CORO7: variants seen among roughly 807,000 people sequenced by gnomAD.
CORO7 encodes the protein coronin 7.
In CORO7, 107 loss-of-function variants were observed where a neutral mutation model predicts 126.6. The ratio of observed to expected loss-of-function variants is 0.85; its 90% CI spans 0.72 to 0.99. The LOEUF (loss-of-function observed/expected upper bound fraction) is 0.99. Ranked by LOEUF, CORO7 falls within the 50% of genes least tolerant of loss-of-function variation. CORO7 has a pLI of 0.00. For synonymous variants in CORO7, 603 were observed against 536.8 expected, an observed-to-expected ratio of 1.12 and a Z score of -1.70; for missense variants, 1,314 against 1,255.8, an observed-to-expected ratio of 1.05 and a Z score of -0.70.
intron 9 of CORO7, among the ~76,000 whole-genome samples, chr16:4,376,762 G>A (rs951445785): frequency 1.3e-5 from 2 of 152,092 alleles, no homozygotes; most frequent in East Asian, 1.9e-4. Flanking sequence ...TGAAGGGGCC[G>A]CCAAGGGACA....
At chr16:4,358,239 C>A in intron 24 of CORO7, 128 bp downstream of exon 24, 1 of 1,530,572 alleles carries the variant, frequency 6.5e-7, no homozygotes, top group Non-Finnish European at 8.8e-7. Flanking sequence ...AGCATCTCAG[C>A]AGAAGGGGGT....
At chr16:4,411,553 T>A (rs868272632) in intron 3 of CORO7, among the ~76,000 whole-genome samples, 4 of 152,252 alleles carry the variant, frequency 2.6e-5, no homozygotes, top group South Asian at 2.1e-4. Flanking sequence ...TTTTTAAAAA[T>A]TTTTTAAAAA....
chr16:4,405,476 C>A lies in CORO7; in HGVS notation c.564+15G>T. The A allele has an allele frequency of 6.2e-7, 1 of 1,610,468 alleles. No individual in the cohort carries two copies. Among genetic ancestry groups the A allele is most frequent in the Non-Finnish European group, 8.5e-7 (1 of 1,179,108 alleles). ...TGCACAGAGCCCCACAGGGCATCCC[C>A]ACCTGCCTGCTCACCTTGCACGCCG... On this transcript the variant is annotated intron_variant, in intron 6 of 27. Coordinates refer to ENST00000251166, the MANE Select transcript of CORO7 (RefSeq NM_024535.5).
intron 5 of CORO7, among the ~76,000 whole-genome samples, chr16:4,406,588 C>T (rs1251818957): frequency 1.3e-5 from 2 of 152,170 alleles, no homozygotes; most frequent in East Asian, 3.8e-4. Context: ...GTGTGCGCCA[C>T]GACGCCCATC....
chr16:4,374,583 C>T (rs1015476171), intron 9 of CORO7, among the ~76,000 whole-genome samples: 1 of 152,168 alleles, frequency 6.6e-6, no homozygotes, highest in Non-Finnish European at 1.5e-5. Flanking sequence ...GGGGCCCCTG[C>T]TGGCCCTGGG....
Position 4,362,651 on chromosome 16 carries a change from C to T in CORO7, c.1363G>A (p.Gly455Arg), listed in dbSNP as rs767466448. 1.6e-5 allele frequency: 25 copies of T among 1,553,344 alleles called. No individual in the cohort carries two copies. Among genetic ancestry groups the T allele is most frequent in the Admixed American group, 2.0e-5 (1 of 50,626 alleles). The change falls in exon 15 of 28, where the codon GGG (glycine) becomes AGG (arginine). Residue 455 changes from glycine (G) to arginine (R), a missense_variant. Gly to Arg is a moderately radical substitution (Grantham distance 125). Transcript: ENST00000251166. The surrounding 1 kb of genome is among the most constrained non-coding windows in gnomAD (Gnocchi z 5.3). ...GPSLSSTSGI[G>R]TSPSLRSLQS... is the part of the protein sequence containing the mutation. ...AGCGACCTCAAACTGGGGCTGGTCCCGATGCCACTGGTGCTGGAGAGTGAG... is the reference window on the plus strand; with the variant it reads ...AGCGACCTCAAACTGGGGCTGGTCCTGATGCCACTGGTGCTGGAGAGTGAG...
chr16:4,400,597 C>T lies in CORO7; in HGVS notation c.564+4894G>A, dbSNP rs573479497. Among the ~76,000 whole-genome samples the T allele has an allele frequency of 3.9e-5, 6 of 152,028 alleles. 1 individual carries two copies. Among genetic ancestry groups the T allele is most frequent in the South Asian group, 4.1e-4 (2 of 4,828 alleles). On this transcript the variant is annotated intron_variant, in intron 6 of 27. Coordinates refer to ENST00000251166, the MANE Select transcript of CORO7 (RefSeq NM_024535.5). ...GCGGTGAGCTGAGATCGTGCCATTG[C>T]GCTCCAGCCTGGGCAACAAGAGTGA...
At chr16:4,410,738 C>T (rs550293037) in intron 3 of CORO7, among the ~76,000 whole-genome samples, 12 of 152,186 alleles carry the variant, frequency 7.9e-5, no homozygotes, top group African/African-American at 2.9e-4. Flanking sequence ...GGCCAGTAAA[C>T]GTCTCCTGCG....
At chr16:4,381,842 G>A (rs1170121224) in intron 9 of CORO7, 1 of 1,601,742 alleles carries the variant, frequency 6.2e-7, no homozygotes, top group Non-Finnish European at 8.5e-7. Context: ...ACACTGGCCA[G>A]CCCTGAGGAG....
chr16:4,406,700 C>T lies in CORO7; in HGVS notation c.487+801G>A, dbSNP rs143991386. On this transcript the variant is annotated intron_variant, in intron 5 of 27. Coordinates refer to ENST00000251166, the MANE Select transcript of CORO7 (RefSeq NM_024535.5). ...GGAGTGCAATGGCACGATCTCTCTT[C>T]GCTCTCCATAGCCACTGCAACCTCT... is the stretch of plus-strand genomic sequence containing the variant. Among the ~76,000 whole-genome samples the T allele has an allele frequency of 6.2e-4, 94 of 152,102 alleles. 2 individuals carry two copies. The East Asian group carries it at 0.013, about 21-fold the overall frequency.
chr16:4,379,722 G>A (rs2054880881), intron 9 of CORO7, among the ~76,000 whole-genome samples: 1 of 151,848 alleles, frequency 6.6e-6, no homozygotes, highest in Non-Finnish European at 1.5e-5. Flanking sequence ...ATCTTTCTTG[G>A]TGCCCAGCTC....
intron 9 of CORO7, among the ~76,000 whole-genome samples, chr16:4,380,699 C>T (rs894312413): frequency 3.3e-5 from 5 of 152,342 alleles, no homozygotes; most frequent in South Asian, 2.1e-4. Context: ...GAGGGAGTGA[C>T]GGGGCTGGGA....
intron 6 of CORO7, among the ~76,000 whole-genome samples, chr16:4,402,058 C>T (rs961677543): frequency 2.0e-5 from 3 of 151,988 alleles, no homozygotes; most frequent in Admixed American, 6.6e-5. Context: ...CTTGCCACAG[C>T]CTCCCAAGTA....
chr16:4,377,220 C>A (rs573128187), intron 9 of CORO7, among the ~76,000 whole-genome samples: 71 of 152,260 alleles, frequency 4.7e-4, no homozygotes, highest in African/African-American at 1.6e-3. Context: ...TTCCCACCCC[C>A]CGACGTCCCC....
chr16:4,384,737 G>A (rs771272735), intron 9 of CORO7, among the ~76,000 whole-genome samples: 30 of 152,208 alleles, frequency 2.0e-4, no homozygotes, highest in Non-Finnish European at 4.1e-4. Context: ...GGTGGTGGCA[G>A]TGGGCCTGGG....
chr16:4,375,323 A>C lies in CORO7; in HGVS notation c.786-9778T>G, dbSNP rs145927802. 3.3e-5 allele frequency among the ~76,000 whole-genome samples: 5 copies of C among 152,332 alleles called. No homozygotes were observed. The East Asian group carries it at 9.6e-4, about 29-fold the overall frequency. Reference sequence around the variant, plus strand: ...CTCTCCCAGCCCTGCCAGCTGGTCCACACCTGCTCCAGGATACAGAGCCTC... The same window carrying C: ...CTCTCCCAGCCCTGCCAGCTGGTCCCCACCTGCTCCAGGATACAGAGCCTC... On this transcript the variant is annotated intron_variant, in intron 9 of 27. Transcript: ENST00000251166.
In CORO7 at chr16:4,354,682, G is replaced by T. The variant is rs2053918477; in HGVS notation, c.*476C>A. 5.7e-6 allele frequency: 1 copy of T among 174,042 alleles called. No homozygotes were observed. Among genetic ancestry groups the T allele is most frequent in the Non-Finnish European group, 1.2e-5 (1 of 82,814 alleles). 10.8% of individuals were successfully genotyped at this position (174,042 alleles called of 1,614,324 possible). A position where few individuals can be genotyped will look rare whatever the true frequency, so the allele number is the denominator to read the frequency against. Reference sequence around the variant, plus strand: ...GGCTACAAACCTGGGAAGTAGGGCAGCTGGTCCCAGGGCCCTGAGACTGGT... The same window carrying T: ...GGCTACAAACCTGGGAAGTAGGGCATCTGGTCCCAGGGCCCTGAGACTGGT... On this transcript the variant is annotated 3_prime_UTR_variant, in exon 28 of 28. Coordinates refer to ENST00000251166, the MANE Select transcript of CORO7 (RefSeq NM_024535.5).
At chr16:4,367,760 T>C (rs1415158657) in intron 9 of CORO7, among the ~76,000 whole-genome samples, 3 of 152,090 alleles carry the variant, frequency 2.0e-5, no homozygotes, top group African/African-American at 7.2e-5. Flanking sequence ...ACAATGTGCC[T>C]GACAGCCTGG....
chr16:4,364,845 C>T lies in CORO7; in HGVS notation c.974G>A (p.Cys325Tyr), dbSNP rs2054297799. 1 of 1,612,136 alleles carries T rather than the reference C, an allele frequency of 6.2e-7. No homozygotes were observed. The highest frequency in any genetic ancestry group is 8.5e-7 in the Non-Finnish European group (1 of 1,179,850). Residue 325 changes from cysteine (C) to tyrosine (Y), a missense_variant, in exon 12 of 28, where the codon TGC (cysteine) becomes TAC (tyrosine). By Grantham distance (194) the Cys-to-Tyr change is radical. Transcript: ENST00000251166. Reference sequence around the variant, plus strand: ...CAGCTGTAGGACGCGGAGTACCTCGCAGCTCATGACGGCCAGCGCCTGCCG... The same window carrying T: ...CAGCTGTAGGACGCGGAGTACCTCGTAGCTCATGACGGCCAGCGCCTGCCG... ...VPRQALAVMSCEVLRVLQLSD... is the reference protein window; with the variant it reads ...VPRQALAVMSYEVLRVLQLSD...
Sources: allele counts gnomAD v4.1 joint callset (sites outside exome capture counted in the v4.1 genomes callset), GRCh38; gene constraint gnomAD v4.1.1; non-coding constraint Gnocchi (gnomAD v3.1); transcripts MANE v1.5; gene names NCBI Gene and HGNC (gene_info 2026-07-23, HGNC 2026-07-21).